CELF4: variants seen among roughly 807,000 people sequenced by gnomAD.
The protein encoded by CELF4 is CUGBP Elav-like family member 4, also known as CUG-BP- and ETR-3-like factor 4.
CELF4 carries 18 observed loss-of-function variants against 59.9 expected under a neutral mutation model. The ratio of observed to expected loss-of-function variants is 0.30; its 90% confidence interval spans 0.21 to 0.45. The LOEUF is 0.45. Among genes scored for constraint, CELF4 ranks in the 20% least tolerant of loss-of-function variants. CELF4 has a pLI of 1.00. For synonymous variants in CELF4, 261 were observed against 267.1 expected (o/e 0.98, Z 0.22); for missense variants, 456 against 689.0 (o/e 0.66, Z 3.79).
chr18:37,297,838 G>A (rs554897641), intron 3 of CELF4, among the ~76,000 whole-genome samples: 2 of 152,346 alleles, frequency 1.3e-5, no homozygotes, highest in South Asian at 4.1e-4. Flanking sequence ...ATCTCTGTGA[G>A]ATTCATCGGT....
intron 12 of CELF4, among the ~76,000 whole-genome samples, chr18:37,252,567 C>T (rs1202242299): frequency 2.0e-5 from 3 of 151,556 alleles, no homozygotes; most frequent in Non-Finnish European, 4.4e-5. Flanking sequence ...CTTGCTGTTC[C>T]TACTCCACTC....
At chr18:37,515,263 T>C (rs1419185776) in intron 1 of CELF4, among the ~76,000 whole-genome samples, 1 of 152,188 alleles carries the variant, frequency 6.6e-6, no homozygotes, top group Non-Finnish European at 1.5e-5. Flanking sequence ...CCTCCCTAAA[T>C]GCCTTTCCTT....
At position 37,273,265 on chromosome 18, in the gene CELF4, C is replaced by T. The variant is rs1235619499; in HGVS notation, c.802-102G>A. 10 of 1,475,198 alleles carry T rather than the reference C, an allele frequency of 6.8e-6. No individual in the cohort carries two copies. In the Middle Eastern group the frequency reaches 6.1e-4, roughly 90 times the overall value. The allele number at this position is 1,475,198 out of a possible 1,614,324, so 91.4% of individuals were successfully genotyped here. On this transcript the variant is annotated intron_variant, in intron 6 of 12. Coordinates refer to ENST00000420428, the MANE Select transcript of CELF4 (RefSeq NM_020180.4). ...AGACCAATCTCCCAGGCTCTGAGCC[C>T]CAGAAGCTCCCAACTACCACTCCAG...
chr18:37,268,208 C>T (rs2078652145), intron 8 of CELF4, among the ~76,000 whole-genome samples: 1 of 152,130 alleles, frequency 6.6e-6, no homozygotes, highest in Non-Finnish European at 1.5e-5. Context: ...GAAGATGAGC[C>T]ACAATGCAGG....
chr18:37,485,740 C>T, intron 1 of CELF4, 133 bp from the exon 2 acceptor site: 1 of 430,268 alleles, frequency 2.3e-6, no homozygotes, highest in East Asian at 3.6e-5. Context: ...CTTTCTCTCC[C>T]GTGCACTGTT....
intron 2 of CELF4, among the ~76,000 whole-genome samples, chr18:37,362,968 C>T (rs1479813571): frequency 6.6e-6 from 1 of 152,214 alleles, no homozygotes; most frequent in African/African-American, 2.4e-5. Context: ...CCCTGGCACA[C>T]AGTAGGGTCT....
chr18:37,507,047 C>T (rs915724403), intron 1 of CELF4, among the ~76,000 whole-genome samples: 2 of 152,178 alleles, frequency 1.3e-5, no homozygotes, highest in African/African-American at 4.8e-5. Context: ...GTCACAGTTG[C>T]CAGGAGGGTG....
chr18:37,409,157 C>T (rs1347106936), intron 2 of CELF4, among the ~76,000 whole-genome samples: 2 of 152,178 alleles, frequency 1.3e-5, no homozygotes, highest in African/African-American at 2.4e-5. Context: ...CTCTCCCTGG[C>T]GATTTGATTT....
chr18:37,278,544 G>C (rs559387484), intron 3 of CELF4, among the ~76,000 whole-genome samples: 1 of 152,320 alleles, frequency 6.6e-6, no homozygotes, highest in Admixed American at 6.5e-5. Context: ...TGAGTTTTGG[G>C]ATCTATGAAA....
intron 1 of CELF4, among the ~76,000 whole-genome samples, chr18:37,512,734 T>TCTCCTTCTTCC (rs2099946002): frequency 6.6e-6 from 1 of 151,560 alleles, no homozygotes; most frequent in Non-Finnish European, 1.5e-5. Flanking sequence ...TCCTCCCCTT[T>TCTCCTTCTTCC]CTCCTTCTTC....
chr18:37,510,791 T>C (rs745820055), intron 1 of CELF4, among the ~76,000 whole-genome samples: 5 of 152,184 alleles, frequency 3.3e-5, no homozygotes, highest in Non-Finnish European at 7.3e-5. Flanking sequence ...CACTTAGCCG[T>C]GCACATGCTC....
rs113027584 is a variant in CELF4, at chr18:37,539,464, CACACACAA to C, written c.286+25884_286+25891del. ...CACCTCTAAGACACACACACACACA[CACACACAA>C]ACACACACACACACACACACGCGTG... On this transcript the variant is annotated intron_variant, in intron 1 of 12. Transcript: ENST00000420428. Among the ~76,000 whole-genome samples the C allele has an allele frequency of 4.8e-3, 504 of 105,634 alleles. 4 individuals are homozygous for C. Among genetic ancestry groups the C allele is most frequent in the African/African-American group, 9.1e-3 (203 of 22,364 alleles). The allele number at this position is 105,634 out of a possible 152,430, so 69.3% of individuals were successfully genotyped here.
intron 1 of CELF4, among the ~76,000 whole-genome samples, chr18:37,524,813 C>T (rs945916247): frequency 1.3e-5 from 2 of 152,120 alleles, no homozygotes; most frequent in African/African-American, 4.8e-5. Flanking sequence ...GCCCTCCGCG[C>T]CCCGGCCGCG....
At chr18:37,291,912 GC>G (rs1322309529) in intron 3 of CELF4, among the ~76,000 whole-genome samples, 1 of 152,066 alleles carries the variant, frequency 6.6e-6, no homozygotes, top group Non-Finnish European at 1.5e-5. Context: ...GGATGTGTGT[GC>G]CCTCCCAAAA....
intron 11 of CELF4, among the ~76,000 whole-genome samples, chr18:37,257,005 C>T (rs930542485): frequency 4.6e-5 from 7 of 152,068 alleles, no homozygotes; most frequent in African/African-American, 1.7e-4. Context: ...GGAGTCTGTC[C>T]TTTTTTCAGG....
chr18:37,390,340 G>A (rs2099145857), intron 2 of CELF4, among the ~76,000 whole-genome samples: 1 of 152,222 alleles, frequency 6.6e-6, no homozygotes, highest in Non-Finnish European at 1.5e-5. Flanking sequence ...ACGTGTGGCA[G>A]CCCCCAGCCT....
chr18:37,375,135 G>T (rs1175914021), intron 2 of CELF4, among the ~76,000 whole-genome samples: 3 of 152,162 alleles, frequency 2.0e-5, no homozygotes, highest in African/African-American at 7.2e-5. Flanking sequence ...GGGCATGAGA[G>T]CCCGTGGGTG....
chr18:37,409,374 G>T (rs780997146), intron 2 of CELF4, among the ~76,000 whole-genome samples: 1 of 152,134 alleles, frequency 6.6e-6, no homozygotes, highest in Non-Finnish European at 1.5e-5. Flanking sequence ...AATCTTGGGG[G>T]TATTGCAGTC....
intron 2 of CELF4, among the ~76,000 whole-genome samples, chr18:37,370,524 C>T (rs1404871606): frequency 2.6e-5 from 4 of 152,232 alleles, no homozygotes; most frequent in Admixed American, 2.6e-4. Context: ...TTAGTGACCC[C>T]TGCTTTGAGG....
Sources: gnomAD v4.1 joint callset for allele counts (sites outside exome capture counted in the v4.1 genomes callset) on GRCh38, gnomAD v4.1.1 for gene constraint, MANE v1.5 for transcripts, NCBI Gene and HGNC (gene_info 2026-07-23, HGNC 2026-07-21) for gene names.